Variants in LDLRAD3 observed in about 807,000 individuals in gnomAD.
LDLRAD3 encodes the protein low density lipoprotein receptor class A domain containing 3.
A neutral mutation model predicts 29.4 loss-of-function variants in LDLRAD3; 20 were observed. The ratio of observed to expected loss-of-function variants is 0.68; its 90% CI spans 0.48 to 0.99. The LOEUF (loss-of-function observed/expected upper bound fraction) is 0.99. LDLRAD3 is among the 50% of genes least tolerant of loss of function. The pLI is 0.00. For missense variants in LDLRAD3, 420 were observed against 454.3 expected (o/e 0.92, Z 0.69); for synonymous variants, 157 against 192.7 (o/e 0.81, Z 1.53).
chr11:36,163,806 T>C (rs1392011358), intron 4 of LDLRAD3, among the ~76,000 whole-genome samples: 3 of 152,106 alleles, frequency 2.0e-5, no homozygotes, highest in Non-Finnish European at 4.4e-5. Context: ...ATATATAGAT[T>C]GACGGGATCA....
intron 4 of LDLRAD3, among the ~76,000 whole-genome samples, chr11:36,099,241 C>A (rs576457377): frequency 1.3e-5 from 2 of 152,172 alleles, no homozygotes; most frequent in South Asian, 4.1e-4. Context: ...GAGGAGGACA[C>A]AATGGGATAA....
At chr11:36,015,133 G>A (rs1390030960) in intron 1 of LDLRAD3, among the ~76,000 whole-genome samples, 2 of 152,250 alleles carry the variant, frequency 1.3e-5, no homozygotes, top group Non-Finnish European at 2.9e-5. Flanking sequence ...GTTAAGCCGA[G>A]CTTCAGTAGA....
intron 4 of LDLRAD3, among the ~76,000 whole-genome samples, chr11:36,107,520 G>T (rs1853546058): frequency 6.6e-6 from 1 of 152,192 alleles, no homozygotes. Context: ...AACAGGTATA[G>T]TCATGTGCTG....
chr11:36,160,322 T>C (rs1326735260), intron 4 of LDLRAD3, among the ~76,000 whole-genome samples: 1 of 152,066 alleles, frequency 6.6e-6, no homozygotes, highest in Non-Finnish European at 1.5e-5. Context: ...AAAATCACGC[T>C]CACAGAAAGC....
At chr11:36,029,538 A>G (rs747376661) in intron 1 of LDLRAD3, among the ~76,000 whole-genome samples, 5 of 152,132 alleles carry the variant, frequency 3.3e-5, no homozygotes, top group Non-Finnish European at 4.4e-5. Flanking sequence ...CCCCCACTAG[A>G]TTAACACTGC....
chr11:36,196,555 A>C (rs1855036058), intron 4 of LDLRAD3: 1 of 152,242 alleles, frequency 6.6e-6, no homozygotes, highest in Admixed American at 6.5e-5. Context: ...TGAATGGAGC[A>C]GTCTGAATTC....
At chr11:36,108,454 G>A (rs188862658) in intron 4 of LDLRAD3, among the ~76,000 whole-genome samples, 67 of 151,856 alleles carry the variant, frequency 4.4e-4, no homozygotes, top group African/African-American at 1.4e-3. Context: ...CTCTAATAGA[G>A]CTCATATTCT....
At chr11:36,197,882 T>TA (rs59189246) in intron 4 of LDLRAD3, 2,642 of 139,972 alleles carry the variant, frequency 0.019, 65 homozygotes, top group African/African-American at 0.054. Context: ...CCCCATGTCT[T>TA]AAAAAAAAAA....
chr11:36,103,363 G>C (rs191139536), intron 4 of LDLRAD3, among the ~76,000 whole-genome samples: 29 of 151,216 alleles, frequency 1.9e-4, no homozygotes, highest in Admixed American at 1.8e-3. Flanking sequence ...TCAGCCTCCA[G>C]AGTAGCTGGG....
intron 1 of LDLRAD3, among the ~76,000 whole-genome samples, chr11:36,007,026 G>C (rs185568436): frequency 9.2e-5 from 14 of 152,312 alleles, no homozygotes; most frequent in Non-Finnish European, 1.8e-4. Flanking sequence ...CACACAGTGG[G>C]CCTCAGTGAC....
intron 4 of LDLRAD3, among the ~76,000 whole-genome samples, chr11:36,104,395 ATGTT>A (rs1853496247): frequency 6.6e-6 from 1 of 152,102 alleles, no homozygotes; most frequent in African/African-American, 2.4e-5. Flanking sequence ...GAGATCATAA[ATGTT>A]TGTTTGTTTA....
chr11:36,092,663 C>T (rs1853301139), intron 3 of LDLRAD3, among the ~76,000 whole-genome samples: 1 of 152,202 alleles, frequency 6.6e-6, no homozygotes, highest in South Asian at 2.1e-4. Flanking sequence ...GCTTTTATTT[C>T]TTGCTGCCAG....
intron 1 of LDLRAD3, among the ~76,000 whole-genome samples, chr11:35,979,760 C>G (rs992990516): frequency 1.3e-5 from 2 of 152,164 alleles, no homozygotes; most frequent in Non-Finnish European, 1.5e-5. Context: ...CTTGTTGCTC[C>G]GTGTTGAGAG....
At chr11:35,952,565 A>G (rs1851150317) in intron 1 of LDLRAD3, among the ~76,000 whole-genome samples, 1 of 152,212 alleles carries the variant, frequency 6.6e-6, no homozygotes, top group Non-Finnish European at 1.5e-5. Context: ...TAAACAAGTT[A>G]TTTCAGCACC....
At chr11:36,155,798 A>G (rs1854341466) in intron 4 of LDLRAD3, among the ~76,000 whole-genome samples, 1 of 152,082 alleles carries the variant, frequency 6.6e-6, no homozygotes, top group South Asian at 2.1e-4. Context: ...GATTTTTTTC[A>G]ATGGAAACTA....
At chr11:36,052,569 A>G (rs2133224552) in intron 2 of LDLRAD3, among the ~76,000 whole-genome samples, 1 of 152,340 alleles carries the variant, frequency 6.6e-6, no homozygotes, top group Middle Eastern at 3.4e-3. Flanking sequence ...GCTTGAAAAC[A>G]CACAAGCTTG....
chr11:36,187,682 T>C (rs1203265850), intron 4 of LDLRAD3, among the ~76,000 whole-genome samples: 1 of 152,210 alleles, frequency 6.6e-6, no homozygotes, highest in African/African-American at 2.4e-5. Context: ...TGGGTGTGTT[T>C]GTTTTAGATG....
chr11:36,221,719 A>C (rs1855431886), intron 4 of LDLRAD3, among the ~76,000 whole-genome samples: 1 of 152,174 alleles, frequency 6.6e-6, no homozygotes, highest in Non-Finnish European at 1.5e-5. Flanking sequence ...TTTTTTTAAT[A>C]GATAATACAG....
intron 4 of LDLRAD3, among the ~76,000 whole-genome samples, chr11:36,111,653 T>C (rs7125332): frequency 0.041 from 6,274 of 151,290 alleles, 473 homozygotes; most frequent in African/African-American, 0.14. Context: ...CAGGCTGGAG[T>C]GCAGTAGAGC....
Sources: gnomAD v4.1 joint callset for allele counts (sites outside exome capture counted in the v4.1 genomes callset) on GRCh38, gnomAD v4.1.1 for gene constraint, MANE v1.5 for transcripts, NCBI Gene and HGNC (gene_info 2026-07-23, HGNC 2026-07-21) for gene names.